The following PTPRT variants were observed in gnomAD, a reference collection of about 807,000 sequenced individuals.
PTPRT encodes receptor-type tyrosine-protein phosphatase T.
Under a neutral mutation model 176.8 loss-of-function variants are expected in PTPRT, and 56 were observed. The ratio of observed to expected loss-of-function variants is 0.32; its 90% CI spans 0.26 to 0.40. The LOEUF (loss-of-function observed/expected upper bound fraction) is 0.40, where lower values mean the gene tolerates loss of function less well. PTPRT is among the 10% of genes least tolerant of loss of function. The pLI, the probability that PTPRT is intolerant of heterozygous loss-of-function variation, is 1.00. For missense variants in PTPRT, 1,540 were observed against 1,908.2 expected, an observed-to-expected ratio of 0.81 and a Z score of 3.60; for synonymous variants, 783 against 739.0, an observed-to-expected ratio of 1.06 and a Z score of -0.96.
At chr20:43,172,869 C>CTT (rs1156414727) in intron 1 of PTPRT, among the ~76,000 whole-genome samples, 1,633 of 117,492 alleles carry the variant, frequency 0.014, 94 homozygotes, top group African/African-American at 0.047. Flanking sequence ...AGTCTGCAGT[C>CTT]TTTTTTTTTT....
intron 16 of PTPRT, among the ~76,000 whole-genome samples, chr20:42,192,903 C>T (rs1373156638): frequency 6.6e-6 from 1 of 152,180 alleles, no homozygotes; most frequent in African/African-American, 2.4e-5. Context: ...TCTGTGCGTA[C>T]ATCCACTTGG....
At chr20:43,163,442 T>A (rs1171767464) in intron 1 of PTPRT, among the ~76,000 whole-genome samples, 1 of 151,926 alleles carries the variant, frequency 6.6e-6, no homozygotes, top group East Asian at 1.9e-4. Context: ...ATCAAGACCA[T>A]CCTGGCTAAC....
At chr20:42,446,621 T>TGTGTGA (rs1491165117) in intron 9 of PTPRT, among the ~76,000 whole-genome samples, 3,193 of 129,960 alleles carry the variant, frequency 0.025, 113 homozygotes, top group African/African-American at 0.074. Flanking sequence ...TGTGTGTGTG[T>TGTGTGA]GAGAGAGAGA....
intron 1 of PTPRT, among the ~76,000 whole-genome samples, chr20:43,188,453 C>T (rs1215584003): frequency 6.6e-6 from 1 of 152,196 alleles, no homozygotes; most frequent in Non-Finnish European, 1.5e-5. Context: ...CGGCCCTTAA[C>T]CTCAGACGCA....
chr20:42,621,545 C>T (rs2074197021), intron 7 of PTPRT, among the ~76,000 whole-genome samples: 1 of 152,232 alleles, frequency 6.6e-6, no homozygotes, highest in East Asian at 1.9e-4. Context: ...GCTTGGCAAG[C>T]ATACAATGCC....
At chr20:42,889,821 G>A (rs1438658496) in intron 1 of PTPRT, among the ~76,000 whole-genome samples, 1 of 152,138 alleles carries the variant, frequency 6.6e-6, no homozygotes, top group Non-Finnish European at 1.5e-5. Flanking sequence ...AAGAAAAGCA[G>A]GACAGAAGGA....
chr20:42,692,773 A>G (rs2075811729), intron 6 of PTPRT, among the ~76,000 whole-genome samples: 1 of 152,218 alleles, frequency 6.6e-6, no homozygotes, highest in Non-Finnish European at 1.5e-5. Flanking sequence ...TCAAATTATG[A>G]TAAAAATTAA....
At chr20:42,060,163 G>T in the PTPRT span, among the ~76,000 whole-genome samples, 1 of 152,116 alleles carries the variant, frequency 6.6e-6, no homozygotes, top group African/African-American at 2.4e-5. Context: ...TTAGACAATT[G>T]TCCAAGTCAT....
chr20:42,223,588 C>G (rs556804028), intron 15 of PTPRT, among the ~76,000 whole-genome samples: 1 of 152,296 alleles, frequency 6.6e-6, no homozygotes, highest in East Asian at 1.9e-4. Flanking sequence ...GAAAACACAT[C>G]ACAGTAAAAC....
At chr20:42,187,405 A>G (rs1333259845) in intron 16 of PTPRT, among the ~76,000 whole-genome samples, 1 of 152,176 alleles carries the variant, frequency 6.6e-6, no homozygotes, top group African/African-American at 2.4e-5. Context: ...GTGCTGAGTA[A>G]CTAAACATCA....
chr20:42,367,344 G>A (rs935689097), intron 9 of PTPRT, among the ~76,000 whole-genome samples: 15 of 152,194 alleles, frequency 9.9e-5, no homozygotes, highest in Non-Finnish European at 1.5e-4. Flanking sequence ...ACATCAGAGA[G>A]GGTGTTTGAT....
chr20:42,473,329 T>C (rs1189955816), intron 7 of PTPRT, among the ~76,000 whole-genome samples: 1 of 152,208 alleles, frequency 6.6e-6, no homozygotes, highest in Non-Finnish European at 1.5e-5. Context: ...TATGTCTAAT[T>C]TTATTAGGAA....
chr20:42,131,520 T>C (rs542029721), intron 18 of PTPRT, among the ~76,000 whole-genome samples: 2 of 152,296 alleles, frequency 1.3e-5, no homozygotes, highest in South Asian at 2.1e-4. Context: ...GCAAAAATGA[T>C]TAAAAACAAA....
At chr20:42,772,462 G>T (rs562345256) in intron 4 of PTPRT, among the ~76,000 whole-genome samples, 3 of 152,286 alleles carry the variant, frequency 2.0e-5, no homozygotes, top group Non-Finnish European at 4.4e-5. Context: ...GGGTGTGTAT[G>T]AGCAGACAAT....
intron 2 of PTPRT, among the ~76,000 whole-genome samples, chr20:42,817,288 C>G (rs1273896189): frequency 6.6e-6 from 1 of 150,866 alleles, no homozygotes; most frequent in Non-Finnish European, 1.5e-5. Context: ...ATCTGAAAGG[C>G]AGAGAAGCCA....
At chr20:42,160,298 C>T (rs1989533377) in intron 17 of PTPRT, among the ~76,000 whole-genome samples, 1 of 152,178 alleles carries the variant, frequency 6.6e-6, no homozygotes, top group South Asian at 2.1e-4. Flanking sequence ...CTGGCTGCAG[C>T]TGGAGTCTAA....
At chr20:42,424,846 T>A (rs1160717306) in intron 9 of PTPRT, among the ~76,000 whole-genome samples, 2 of 149,392 alleles carry the variant, frequency 1.3e-5, no homozygotes, top group Non-Finnish European at 3.0e-5. Context: ...AGGTATTATG[T>A]AGGGAGATGG....
chr20:42,150,713 A>G (rs1296747539), intron 17 of PTPRT, among the ~76,000 whole-genome samples: 1 of 152,168 alleles, frequency 6.6e-6, no homozygotes, highest in Non-Finnish European at 1.5e-5. Context: ...GTGTCAATAA[A>G]CGTTTCTGAA....
At chr20:42,485,410 C>T (rs1357510514) in intron 7 of PTPRT, among the ~76,000 whole-genome samples, 1 of 152,184 alleles carries the variant, frequency 6.6e-6, no homozygotes, top group African/African-American at 2.4e-5. Context: ...ATTAAACATT[C>T]TAACACTTTA....
Sources: allele counts gnomAD v4.1 joint callset (sites outside exome capture counted in the v4.1 genomes callset), GRCh38; gene constraint gnomAD v4.1.1; transcripts MANE v1.5; gene names NCBI Gene and HGNC (gene_info 2026-07-23, HGNC 2026-07-21).